Variants in ULK4 observed in about 807,000 individuals in gnomAD.
ULK4 encodes unc-51 like kinase 4, also known as inactive serine/threonine-protein kinase ULK4.
In ULK4, 133 loss-of-function variants were observed where a neutral mutation model predicts 160.6. That is an observed-to-expected ratio of 0.83 (90% CI 0.72 to 0.96). ULK4 has a LOEUF of 0.96. Ranked by LOEUF, ULK4 falls within the 40% of genes least tolerant of loss-of-function variation. The pLI, the probability that ULK4 is intolerant of heterozygous loss-of-function variation, is 0.00. For missense variants in ULK4, 1,580 were observed against 1,499.5 expected (o/e 1.05, Z -0.89); for synonymous variants, 534 against 539.8 (o/e 0.99, Z 0.15).
At chr3:41,692,710 A>G (rs2036350939) in intron 27 of ULK4, among the ~76,000 whole-genome samples, 2 of 152,122 alleles carry the variant, frequency 1.3e-5, no homozygotes, top group South Asian at 4.1e-4. Context: ...TACTAGTAAT[A>G]TTGATTTCTT....
chr3:41,748,694 C>T (rs2038505282), intron 22 of ULK4, among the ~76,000 whole-genome samples: 1 of 152,204 alleles, frequency 6.6e-6, no homozygotes, highest in Non-Finnish European at 1.5e-5. Flanking sequence ...TAAATTATCA[C>T]TCTTGTAATT....
intron 27 of ULK4, among the ~76,000 whole-genome samples, chr3:41,696,845 GT>G (rs1167023167): frequency 6.6e-6 from 1 of 152,182 alleles, no homozygotes; most frequent in African/African-American, 2.4e-5. Context: ...CAGAGAAGAT[GT>G]AACAATAAAA....
intron 32 of ULK4, among the ~76,000 whole-genome samples, chr3:41,470,536 G>A (rs1262997309): frequency 6.6e-6 from 1 of 151,974 alleles, no homozygotes; most frequent in African/African-American, 2.4e-5. Context: ...AAAACTCAAT[G>A]GTATAAGTAA....
At chr3:41,279,155 G>A (rs2079291812) in intron 35 of ULK4, among the ~76,000 whole-genome samples, 1 of 147,988 alleles carries the variant, frequency 6.8e-6, no homozygotes, top group African/African-American at 2.5e-5. Context: ...GCATGCACGA[G>A]TTTAAATAGC....
At position 41,800,200 on chromosome 3, in the gene ULK4, T is replaced by C. The variant is rs1452024967; in HGVS notation, c.1942A>G (p.Ile648Val). 1 of 1,613,870 alleles carries C rather than the reference T, an allele frequency of 6.2e-7. No homozygotes were observed. The highest frequency in any genetic ancestry group is 8.5e-7 in the Non-Finnish European group (1 of 1,179,906). The change falls in exon 20 of 37, where the codon ATA (isoleucine) becomes GTA (valine). Residue 648 changes from isoleucine (I) to valine (V), a missense_variant. Coordinates refer to ENST00000301831, the MANE Select transcript of ULK4 (RefSeq NM_017886.4). ...AATAGGTACCACAAAATGGGTCCTA[T>C]TTCTCCTGTAATAAAGCCCTGGGAC... is the stretch of plus-strand genomic sequence containing the variant. The part of the protein sequence containing the change: ...AQSQGFITGE[I>V]GPILWYLFRH...
At chr3:41,926,190 G>A (rs1261239527) in intron 5 of ULK4, among the ~76,000 whole-genome samples, 2 of 152,172 alleles carry the variant, frequency 1.3e-5, no homozygotes, top group African/African-American at 4.8e-5. Flanking sequence ...AGCCTCTGCT[G>A]GTGATATCCA....
intron 34 of ULK4, among the ~76,000 whole-genome samples, chr3:41,413,580 A>G (rs2082456795): frequency 6.6e-6 from 1 of 152,228 alleles, no homozygotes; most frequent in Non-Finnish European, 1.5e-5. Context: ...ATGGAGATCC[A>G]TAAAAAAGTA....
At chr3:41,567,443 A>ATTTTT (rs71288055) in intron 31 of ULK4, among the ~76,000 whole-genome samples, 35 of 90,302 alleles carry the variant, frequency 3.9e-4, no homozygotes, top group Admixed American at 4.5e-4. Context: ...CACTTAACAG[A>ATTTTT]TTTTTTTTTT....
intron 34 of ULK4, among the ~76,000 whole-genome samples, chr3:41,445,674 G>T (rs1053669922): frequency 1.6e-4 from 25 of 152,196 alleles, no homozygotes; most frequent in East Asian, 3.9e-4. Context: ...TAGCCATATG[G>T]AGAAAGCTGA....
intron 35 of ULK4, among the ~76,000 whole-genome samples, chr3:41,323,604 A>G (rs1422516562): frequency 6.6e-6 from 1 of 152,088 alleles, no homozygotes; most frequent in Non-Finnish European, 1.5e-5. Context: ...CAAATTCTTT[A>G]CCAGCTGGCC....
At chr3:41,888,816 C>T (rs1697817481) in intron 16 of ULK4, among the ~76,000 whole-genome samples, 1 of 152,150 alleles carries the variant, frequency 6.6e-6, no homozygotes, top group African/African-American at 2.4e-5. Flanking sequence ...GAAAAACCCA[C>T]CCTGGCAATT....
intron 26 of ULK4, 45 bp from the exon 27 acceptor site, chr3:41,705,196 A>G (rs1263507026): frequency 6.2e-7 from 1 of 1,609,500 alleles, no homozygotes; most frequent in Non-Finnish European, 8.5e-7. Flanking sequence ...TACATGTTCT[A>G]AATCATAATA....
intron 35 of ULK4, among the ~76,000 whole-genome samples, chr3:41,299,223 A>C (rs2079733470): frequency 6.6e-6 from 1 of 152,158 alleles, no homozygotes; most frequent in Non-Finnish European, 1.5e-5. Flanking sequence ...GGTGAACGAG[A>C]GGCCACGTGG....
At chr3:41,925,394 G>C (rs1199549055) in intron 5 of ULK4, among the ~76,000 whole-genome samples, 1 of 152,192 alleles carries the variant, frequency 6.6e-6, no homozygotes, top group Non-Finnish European at 1.5e-5. Context: ...TTTTCCCACG[G>C]TCTTTGCAAC....
intron 5 of ULK4, among the ~76,000 whole-genome samples, chr3:41,925,293 G>C (rs746891884): frequency 6.6e-6 from 1 of 152,152 alleles, no homozygotes; most frequent in Non-Finnish European, 1.5e-5. Flanking sequence ...CCCGGGAAGC[G>C]CTAGGGGTCA....
chr3:41,301,758 A>G (rs549050815), intron 35 of ULK4, among the ~76,000 whole-genome samples: 2 of 152,332 alleles, frequency 1.3e-5, no homozygotes, highest in East Asian at 3.9e-4. Context: ...TGTCATCACT[A>G]AAGTATCTCA....
chr3:41,638,563 A>G (rs1196795304), intron 30 of ULK4, among the ~76,000 whole-genome samples: 1 of 152,230 alleles, frequency 6.6e-6, no homozygotes, highest in Non-Finnish European at 1.5e-5. Context: ...AAGTGATACC[A>G]CATGTTTGAG....
intron 31 of ULK4, among the ~76,000 whole-genome samples, chr3:41,614,708 C>T (rs1157080976): frequency 6.6e-6 from 1 of 152,194 alleles, no homozygotes; most frequent in East Asian, 1.9e-4. Flanking sequence ...ATCCACTCAG[C>T]TCTCCTGAAA....
chr3:41,803,797 C>T (rs1014594051), intron 19 of ULK4, among the ~76,000 whole-genome samples: 6 of 152,056 alleles, frequency 3.9e-5, no homozygotes, highest in Non-Finnish European at 5.9e-5. Context: ...CATCCATGTC[C>T]CTACAAAGGA....
Sources: allele counts gnomAD v4.1 joint callset (sites outside exome capture counted in the v4.1 genomes callset), GRCh38; gene constraint gnomAD v4.1.1; transcripts MANE v1.5; gene names NCBI Gene and HGNC (gene_info 2026-07-23, HGNC 2026-07-21).